RFX3: variants seen among roughly 807,000 people sequenced by gnomAD.
RFX3 encodes transcription factor RFX3.
In RFX3, 14 loss-of-function variants were observed where a neutral mutation model predicts 98.6. The ratio of observed to expected loss-of-function variants is 0.14; its 90% CI spans 0.09 to 0.22. The LOEUF is 0.22. RFX3 is among the 10% of genes least tolerant of loss of function. The pLI is 1.00. For missense variants in RFX3, 639 were observed against 926.9 expected, an observed-to-expected ratio of 0.69 and a Z score of 4.03; for synonymous variants, 383 against 328.4, an observed-to-expected ratio of 1.17 and a Z score of -1.80.
chr9:3,525,790 T>C lies in RFX3; in HGVS notation c.-52A>G. 1 of 534,020 alleles carries C rather than the reference T, an allele frequency of 1.9e-6. No individual in the cohort carries two copies. Among genetic ancestry groups the C allele is most frequent in the Non-Finnish European group, 2.4e-6 (1 of 418,466 alleles). The allele number at this position is 534,020 out of a possible 1,614,324, so 33.1% of individuals were successfully genotyped here. On this transcript the variant is annotated 5_prime_UTR_variant, in exon 1 of 17. Coordinates refer to ENST00000617270, the MANE Select transcript of RFX3 (RefSeq NM_001282116.2). ...TGGTGTTGTTGGTGGGTGATGGAGATGGTGGTGGTGGGGAGGAGGAGGAGG... is the reference window on the plus strand; with the variant it reads ...TGGTGTTGTTGGTGGGTGATGGAGACGGTGGTGGTGGGGAGGAGGAGGAGG...
chr9:3,430,718 C>A (rs1442298699), intron 1 of RFX3, among the ~76,000 whole-genome samples: 1 of 151,864 alleles, frequency 6.6e-6, no homozygotes, highest in East Asian at 1.9e-4. Flanking sequence ...CAGCTTTAAA[C>A]TGTGCAGGTC....
At chr9:3,444,842 A>C (rs183785104) in intron 1 of RFX3, among the ~76,000 whole-genome samples, 118 of 152,356 alleles carry the variant, frequency 7.7e-4, no homozygotes, top group African/African-American at 2.5e-3. Context: ...CTGAACATGG[A>C]ATGGACTGCT....
Position 3,484,571 on chromosome 9 carries a change from A to G in RFX3, c.-9+41176T>C, listed in dbSNP as rs150895635. On this transcript the variant is annotated intron_variant, in intron 1 of 16. Coordinates refer to ENST00000617270, the MANE Select transcript of RFX3 (RefSeq NM_001282116.2). ...GTACACATTTACTTCCTTTTGATAG[A>G]TGGGAGTTTCTCCAGAAGTTAGTAT... Among the ~76,000 whole-genome samples the G allele has an allele frequency of 1.9e-3, 290 of 152,320 alleles. 2 individuals carry two copies. Among genetic ancestry groups the G allele is most frequent in the African/African-American group, 6.4e-3 (268 of 41,568 alleles).
chr9:3,263,027 G>A lies in RFX3; in HGVS notation c.1513C>T (p.Leu505=), dbSNP rs2131219852. 1 of 1,613,900 alleles carries A rather than the reference G, an allele frequency of 6.2e-7. No homozygotes were observed. The highest frequency in any genetic ancestry group is 8.5e-7 in the Non-Finnish European group (1 of 1,179,822). Residue 505 remains leucine (L), a synonymous_variant, in exon 13 of 17, where the codon CTG becomes TTG. Coordinates refer to ENST00000617270, the MANE Select transcript of RFX3 (RefSeq NM_001282116.2). ...TLRRYTSLNH[L]AQAARAVLQN... is the part of the protein sequence containing the mutation. Reference sequence around the variant, plus strand: ...AGCACTGCACGAGCTGCCTGGGCCAGGTGATTAAGCGACGTGTATCTTCGC... The same window carrying A: ...AGCACTGCACGAGCTGCCTGGGCCAAGTGATTAAGCGACGTGTATCTTCGC...
intron 15 of RFX3, among the ~76,000 whole-genome samples, chr9:3,230,590 T>C (rs1318081014): frequency 6.6e-6 from 1 of 152,172 alleles, no homozygotes; most frequent in African/African-American, 2.4e-5. Flanking sequence ...TCTTCATCAA[T>C]TTTTGGTATT....
At chr9:3,456,563 T>A (rs904233319) in intron 1 of RFX3, among the ~76,000 whole-genome samples, 1 of 152,194 alleles carries the variant, frequency 6.6e-6, no homozygotes, top group Admixed American at 6.5e-5. Flanking sequence ...AACGGCCACA[T>A]CATGTCACTA....
At chr9:3,282,497 GA>G (rs1428071998) in intron 7 of RFX3, among the ~76,000 whole-genome samples, 1 of 151,718 alleles carries the variant, frequency 6.6e-6, no homozygotes, top group East Asian at 1.9e-4. Flanking sequence ...AGCTGCTGGC[GA>G]AAATCAGAGT....
chr9:3,411,599 C>T (rs1187091666), intron 1 of RFX3, among the ~76,000 whole-genome samples: 3 of 152,060 alleles, frequency 2.0e-5, no homozygotes, highest in African/African-American at 7.2e-5. Flanking sequence ...CCCCAGCCTC[C>T]CGAGTAGCTG....
chr9:3,392,461 A>G (rs1322791014), intron 2 of RFX3, among the ~76,000 whole-genome samples: 1 of 151,904 alleles, frequency 6.6e-6, no homozygotes, highest in Non-Finnish European at 1.5e-5. Context: ...AAGTGATAGA[A>G]ATTAAAAATA....
intron 1 of RFX3, among the ~76,000 whole-genome samples, chr9:3,466,070 T>C (rs1424042227): frequency 1.3e-5 from 2 of 152,238 alleles, no homozygotes; most frequent in Non-Finnish European, 2.9e-5. Context: ...TACCTATTTA[T>C]GCCATGCATA....
chr9:3,370,327 G>A (rs1214529404), intron 2 of RFX3, among the ~76,000 whole-genome samples: 3 of 151,550 alleles, frequency 2.0e-5, no homozygotes, highest in Non-Finnish European at 4.4e-5. Context: ...AAGTAGTTTT[G>A]GAAATTATAA....
At chr9:3,356,361 T>TAATAAAGACAACGTAGTGTC (rs1835775151) in intron 2 of RFX3, among the ~76,000 whole-genome samples, 1 of 151,692 alleles carries the variant, frequency 6.6e-6, no homozygotes, top group African/African-American at 2.4e-5. Context: ...AAAAAGGTAA[T>TAATAAAGACAACGTAGTGTC]AATAAAGACA....
chr9:3,474,615 C>A (rs1003192151), intron 1 of RFX3, among the ~76,000 whole-genome samples: 1 of 152,146 alleles, frequency 6.6e-6, no homozygotes, highest in African/African-American at 2.4e-5. Context: ...TCAGAAGAAA[C>A]ATATCTAAAA....
chr9:3,265,521 T>A (rs1423878707), intron 12 of RFX3, among the ~76,000 whole-genome samples: 1 of 152,174 alleles, frequency 6.6e-6, no homozygotes, highest in Non-Finnish European at 1.5e-5. Flanking sequence ...GTCACAAATG[T>A]GATTTCTGTT....
intron 1 of RFX3, among the ~76,000 whole-genome samples, chr9:3,493,700 A>ATATATAT (rs1554724812): frequency 7.0e-5 from 5 of 71,772 alleles, no homozygotes; most frequent in African/African-American, 1.2e-4. Flanking sequence ...AAAAAAAAAA[A>ATATATAT]ATATATATAT....
chr9:3,525,680 C>T (rs1164520046), intron 1 of RFX3, 67 bp downstream of exon 1: 1 of 158,472 alleles, frequency 6.3e-6, no homozygotes, highest in Non-Finnish European at 1.4e-5. Flanking sequence ...CACACACACG[C>T]ACGGACACAC....
chr9:3,334,068 T>A (rs1832889418), intron 3 of RFX3, among the ~76,000 whole-genome samples: 1 of 152,156 alleles, frequency 6.6e-6, no homozygotes, highest in African/African-American at 2.4e-5. Flanking sequence ...GAATCTACAC[T>A]TAATGTATAT....
chr9:3,288,681 A>G (rs1212724019), intron 6 of RFX3, among the ~76,000 whole-genome samples: 3 of 152,102 alleles, frequency 2.0e-5, no homozygotes, highest in African/African-American at 4.8e-5. Flanking sequence ...TGTATATAGA[A>G]CAAAGAAAAA....
At chr9:3,415,471 C>T (rs1001544594) in intron 1 of RFX3, among the ~76,000 whole-genome samples, 45 of 152,098 alleles carry the variant, frequency 3.0e-4, no homozygotes, top group African/African-American at 1.0e-3. Context: ...ATAAAACTAA[C>T]AAGACCCACA....
Sources: allele counts gnomAD v4.1 joint callset (sites outside exome capture counted in the v4.1 genomes callset), GRCh38; gene constraint gnomAD v4.1.1; transcripts MANE v1.5; gene names NCBI Gene and HGNC (gene_info 2026-07-23, HGNC 2026-07-21).